Variants in MRPL1 observed in about 807,000 individuals in gnomAD.
The protein encoded by MRPL1 is large ribosomal subunit protein uL1m.
In MRPL1, 28 loss-of-function variants were observed where a neutral mutation model predicts 38.0. The ratio of observed to expected loss-of-function variants is 0.74; its 90% CI spans 0.55 to 1.01. MRPL1 has a LOEUF of 1.01. Ranked by LOEUF, MRPL1 falls within the 50% of genes least tolerant of loss-of-function variation. The pLI, the probability that MRPL1 is intolerant of heterozygous loss-of-function variation, is 0.00. For synonymous variants in MRPL1, 123 were observed against 126.7 expected, an observed-to-expected ratio of 0.97 and a Z score of 0.20; for missense variants, 358 against 389.8, an observed-to-expected ratio of 0.92 and a Z score of 0.69.
intron 6 of MRPL1, among the ~76,000 whole-genome samples, chr4:77,901,011 G>C (rs143525291): frequency 6.6e-6 from 1 of 152,136 alleles, no homozygotes. Flanking sequence ...GGAGGGGGAA[G>C]GATCTAGAAT....
rs1482611420 is a variant in MRPL1, at chr4:77,909,283, A to G, written c.688A>G (p.Ile230Val). 6.2e-7 allele frequency: 1 copy of G among 1,609,760 alleles called. No individual in the cohort carries two copies. Among genetic ancestry groups the G allele is most frequent in the Admixed American group, 1.7e-5 (1 of 59,524 alleles). The change falls in exon 7 of 9, where the codon ATC becomes GTC. Residue 230 changes from isoleucine to valine, a missense_variant. Transcript: ENST00000315567. ...CTAACTAGATTCCATTGGCCGTGAC[A>G]TCCCCAAAATGCTTGAATTATTTAA... ...KLSRNSIGRD[I>V]PKMLELFKNG...
intron 2 of MRPL1, among the ~76,000 whole-genome samples, chr4:77,881,842 G>A (rs1000381357): frequency 2.6e-5 from 4 of 152,146 alleles, no homozygotes; most frequent in African/African-American, 9.7e-5. Flanking sequence ...AAGAAAGGGC[G>A]GGAACAGACT....
rs768194856 is a variant in MRPL1 at position 77,862,858 on chromosome 4, G to A, written c.10G>A (p.Ala4Thr). The change falls in exon 1 of 9, where the codon GCC becomes ACC. Residue 4 changes from alanine to threonine, a missense_variant. Coordinates refer to ENST00000315567, the MANE Select transcript of MRPL1 (RefSeq NM_020236.4). MAAAVRCMGRALIH... is the reference protein window; with the variant it reads MAATVRCMGRALIH... ...ATCCGGAGTGCCCAACATGGCGGCG[G>A]CCGTAAGGTGCATGGGTAGAGGTAA... The A allele has an allele frequency of 8.1e-6, 13 of 1,614,026 alleles. No homozygotes were observed. The highest frequency in any genetic ancestry group is 1.1e-5 in the Non-Finnish European group (13 of 1,180,038).
intron 2 of MRPL1, 40 bp downstream of exon 2, chr4:77,871,895 T>G (rs1304209488): frequency 2.3e-6 from 3 of 1,295,950 alleles, no homozygotes; most frequent in African/African-American, 3.0e-5. Context: ...TTTGTTGTCA[T>G]TTTAATTTTT....
chr4:77,930,988 A>C (rs1736831901), intron 7 of MRPL1, among the ~76,000 whole-genome samples: 1 of 152,212 alleles, frequency 6.6e-6, no homozygotes, highest in Non-Finnish European at 1.5e-5. Context: ...AGCCAAAAGA[A>C]AGCTGCATTT....
At position 77,886,085 on chromosome 4, in the gene MRPL1, A is replaced by C. The variant is rs188203184; in HGVS notation, c.486+746A>C. 2.2e-4 allele frequency among the ~76,000 whole-genome samples: 33 copies of C among 152,308 alleles called. No individual in the cohort carries two copies. The East Asian group carries it at 6.4e-3, about 29-fold the overall frequency. On this transcript the variant is annotated intron_variant, in intron 4 of 8. Transcript: ENST00000315567. ...TGTCCTAAATAAATGTTTGTTTATA[A>C]TGTGTTTATGATTTTTTTTTAATCA...
chr4:77,896,829 A>G (rs1307650200), intron 6 of MRPL1, among the ~76,000 whole-genome samples: 2 of 152,020 alleles, frequency 1.3e-5, no homozygotes, highest in African/African-American at 4.8e-5. Context: ...TTTCAAATGC[A>G]CATTTGGCTT....
At chr4:77,931,815 C>T (rs1326087168) in intron 7 of MRPL1, among the ~76,000 whole-genome samples, 1 of 152,124 alleles carries the variant, frequency 6.6e-6, no homozygotes, top group Non-Finnish European at 1.5e-5. Flanking sequence ...CAGATGTTGG[C>T]TAGCTGAAAA....
chr4:77,921,764 C>T (rs1365846462), intron 7 of MRPL1, among the ~76,000 whole-genome samples: 5 of 148,836 alleles, frequency 3.4e-5, no homozygotes, highest in Admixed American at 1.3e-4. Context: ...AAAAGCCTTT[C>T]GTGCAGAGTT....
intron 5 of MRPL1, among the ~76,000 whole-genome samples, chr4:77,891,895 A>G (rs1386933086): frequency 6.6e-6 from 1 of 152,222 alleles, no homozygotes; most frequent in Non-Finnish European, 1.5e-5. Context: ...TAGAGGGAGC[A>G]TGCCATCTGT....
intron 8 of MRPL1, among the ~76,000 whole-genome samples, chr4:77,951,735 G>A (rs1391330683): frequency 6.6e-6 from 1 of 152,078 alleles, no homozygotes; most frequent in Non-Finnish European, 1.5e-5. Flanking sequence ...TGGGTACTTC[G>A]GTTTCCTCCC....
chr4:77,948,304 T>C (rs1271952663), intron 7 of MRPL1, among the ~76,000 whole-genome samples: 1 of 152,152 alleles, frequency 6.6e-6, no homozygotes, highest in African/African-American at 2.4e-5. Flanking sequence ...AAGAGGGGAA[T>C]TGAAGGCAGG....
At chr4:77,942,946 ATTT>A (rs1446977581) in intron 7 of MRPL1, among the ~76,000 whole-genome samples, 3 of 151,800 alleles carry the variant, frequency 2.0e-5, no homozygotes, top group Non-Finnish European at 4.4e-5. Flanking sequence ...CTTTTTTAAA[ATTT>A]ATTATGTCCT....
At position 77,938,285 on chromosome 4, in the gene MRPL1, GA is replaced by G. The variant is rs1375178887; in HGVS notation, c.778-11509del. The stretch of plus-strand genomic sequence containing the variant: ...TATTTACTGCCTTACCATTTACAAA[GA>G]AAGTATGCCAACTCCTGTTTCATAC... On this transcript the variant is annotated intron_variant, in intron 7 of 8. Transcript: ENST00000315567. Among the ~76,000 whole-genome samples, 12 of 152,196 alleles carry G rather than the reference GA, an allele frequency of 7.9e-5. No individual in the cohort carries two copies. The East Asian group carries it at 2.3e-3, about 29-fold the overall frequency.
At chr4:77,899,686 G>T (rs1294420021) in intron 6 of MRPL1, among the ~76,000 whole-genome samples, 1 of 151,898 alleles carries the variant, frequency 6.6e-6, no homozygotes, top group Non-Finnish European at 1.5e-5. Context: ...GAAAAGAGAA[G>T]GTATTTTAGG....
intron 2 of MRPL1, among the ~76,000 whole-genome samples, chr4:77,875,449 A>G (rs1233623545): frequency 2.6e-5 from 4 of 151,982 alleles, no homozygotes; most frequent in Non-Finnish European, 1.5e-5. Context: ...ACTTGAGGTC[A>G]GGAGTTTGAG....
Position 77,912,607 on chromosome 4 carries a change from T to C in MRPL1, c.777+3235T>C, listed in dbSNP as rs554433083. Among the ~76,000 whole-genome samples, 3 of 152,292 alleles carry C rather than the reference T, an allele frequency of 2.0e-5. 1 individual carries two copies. In the South Asian group the frequency reaches 6.2e-4, roughly 32 times the overall value. On this transcript the variant is annotated intron_variant, in intron 7 of 8. Coordinates refer to ENST00000315567, the MANE Select transcript of MRPL1 (RefSeq NM_020236.4). Reference sequence around the variant, plus strand: ...CTTGTTTATGGATCAGTAGACTCAATATTGTTAAAAATATCAATTTTCCCC... The same window carrying C: ...CTTGTTTATGGATCAGTAGACTCAACATTGTTAAAAATATCAATTTTCCCC...
At chr4:77,887,419 G>A in intron 5 of MRPL1, 128 bp downstream of exon 5, 1 of 784,170 alleles carries the variant, frequency 1.3e-6, no homozygotes, top group South Asian at 2.0e-5. Context: ...CTTTATAAGA[G>A]CAGGAAAAAA....
At chr4:77,939,746 A>T (rs1265871883) in intron 7 of MRPL1, among the ~76,000 whole-genome samples, 2 of 152,148 alleles carry the variant, frequency 1.3e-5, no homozygotes, top group Admixed American at 1.3e-4. Flanking sequence ...ATCCAGTTTT[A>T]TTCTTCTACA....
Sources: gnomAD v4.1 joint callset for allele counts (sites outside exome capture counted in the v4.1 genomes callset) on GRCh38, gnomAD v4.1.1 for gene constraint, MANE v1.5 for transcripts, NCBI Gene and HGNC (gene_info 2026-07-23, HGNC 2026-07-21) for gene names.